Variants in LSAMP observed in about 807,000 individuals in gnomAD.
LSAMP encodes the protein limbic system associated membrane protein.
A neutral mutation model predicts 38.6 loss-of-function variants in LSAMP; 7 were observed. That is an observed-to-expected ratio of 0.18 (90% CI 0.10 to 0.34). The LOEUF (loss-of-function observed/expected upper bound fraction) is 0.34. Ranked by LOEUF, LSAMP falls within the 10% of genes least tolerant of loss-of-function variation. LSAMP has a pLI of 1.00. For missense variants in LSAMP, 313 were observed against 420.0 expected (o/e 0.75, Z 2.23); for synonymous variants, 154 against 166.8 (o/e 0.92, Z 0.59).
intron 3 of LSAMP, among the ~76,000 whole-genome samples, chr3:115,893,673 A>G (rs1559870209): frequency 6.6e-6 from 1 of 152,036 alleles, no homozygotes; most frequent in Non-Finnish European, 1.5e-5. Flanking sequence ...GCAATCAAAA[A>G]TGTTCAAACG....
At chr3:115,851,879 G>A (rs1034989109) in intron 4 of LSAMP, among the ~76,000 whole-genome samples, 7 of 151,886 alleles carry the variant, frequency 4.6e-5, no homozygotes, top group African/African-American at 9.7e-5. Flanking sequence ...CCTTTCATCC[G>A]AGAAGTTCAA....
chr3:116,219,023 G>A (rs1016909699), intron 1 of LSAMP, among the ~76,000 whole-genome samples: 9 of 152,150 alleles, frequency 5.9e-5, no homozygotes, highest in Non-Finnish European at 4.4e-5. Context: ...CTTACTATAA[G>A]TACCATATCA....
chr3:116,027,025 T>A (rs1247434557), intron 2 of LSAMP, among the ~76,000 whole-genome samples: 1 of 152,242 alleles, frequency 6.6e-6, no homozygotes, highest in Non-Finnish European at 1.5e-5. Context: ...TATAAATTTT[T>A]GACAAACAAC....
At chr3:115,889,830 G>A (rs1559868615) in intron 3 of LSAMP, among the ~76,000 whole-genome samples, 1 of 151,938 alleles carries the variant, frequency 6.6e-6, no homozygotes, top group African/African-American at 2.4e-5. Context: ...AATCCTGTCT[G>A]TGCTTCCATC....
rs1007029521 is a variant in LSAMP at position 116,333,746 on chromosome 3, C to T, written c.155+111131G>A. On this transcript the variant is annotated intron_variant, in intron 1 of 6. Transcript: ENST00000490035. ...AAAATATAAATACAATACATCAAAA[C>T]ATATGGGACATATTGAAAGTGCTGA... 9.9e-5 allele frequency among the ~76,000 whole-genome samples: 15 copies of T among 151,520 alleles called. No homozygotes were observed. The East Asian group carries it at 2.9e-3, about 30-fold the overall frequency.
chr3:115,884,517 G>T (rs1362045909), intron 3 of LSAMP, among the ~76,000 whole-genome samples: 1 of 151,754 alleles, frequency 6.6e-6, no homozygotes, highest in East Asian at 1.9e-4. Flanking sequence ...AATTAGTAAA[G>T]GTTGATCATG....
intron 1 of LSAMP, among the ~76,000 whole-genome samples, chr3:116,112,799 C>T (rs932853177): frequency 1.3e-5 from 2 of 152,160 alleles, no homozygotes; most frequent in Non-Finnish European, 2.9e-5. Flanking sequence ...CTCACAAATG[C>T]GTTGGCTACC....
At chr3:115,861,883 A>C (rs10934309) in intron 3 of LSAMP, among the ~76,000 whole-genome samples, 1 of 152,008 alleles carries the variant, frequency 6.6e-6, no homozygotes, top group South Asian at 2.1e-4. Context: ...TGGAGCAGGG[A>C]CTGCAGAACA....
intron 6 of LSAMP, chr3:115,834,571 G>C (rs1934723103): frequency 1.6e-6 from 2 of 1,277,310 alleles, no homozygotes; most frequent in African/African-American, 1.5e-5. Context: ...CCTTGAATGG[G>C]GTGGGGGATT....
intron 2 of LSAMP, among the ~76,000 whole-genome samples, chr3:116,078,605 C>T (rs112816857): frequency 0.042 from 6,326 of 152,234 alleles, 463 homozygotes; most frequent in African/African-American, 0.14. Flanking sequence ...GGATTACAGG[C>T]GTGAGCCACT....
At chr3:115,814,495 C>T (rs1298112119) in intron 6 of LSAMP, among the ~76,000 whole-genome samples, 1 of 152,118 alleles carries the variant, frequency 6.6e-6, no homozygotes, top group Non-Finnish European at 1.5e-5. Flanking sequence ...AGTAAAGGAC[C>T]AGGTGATTTT....
intron 1 of LSAMP, among the ~76,000 whole-genome samples, chr3:116,282,352 GA>G (rs959219229): frequency 5.8e-4 from 87 of 149,230 alleles, no homozygotes; most frequent in Middle Eastern, 3.4e-3. Context: ...TTTAGGATTT[GA>G]AAAAAAAAAT....
At chr3:116,400,170 G>T (rs1380759424) in intron 1 of LSAMP, among the ~76,000 whole-genome samples, 1 of 151,838 alleles carries the variant, frequency 6.6e-6, no homozygotes, top group Non-Finnish European at 1.5e-5. Context: ...TTTTGTTCTT[G>T]CTTTGTACTA....
At chr3:115,853,530 G>A (rs34309661) in intron 3 of LSAMP, among the ~76,000 whole-genome samples, 23,588 of 152,208 alleles carry the variant, frequency 0.15, 2,286 homozygotes, top group Middle Eastern at 0.23. Flanking sequence ...ATTCCCCTAT[G>A]TGGAGAATAA....
intron 3 of LSAMP, among the ~76,000 whole-genome samples, chr3:115,861,167 TTCCTTCC>T (rs1559855520): frequency 4.3e-5 from 5 of 117,222 alleles, no homozygotes; most frequent in African/African-American, 6.3e-5. Flanking sequence ...CCTTCCTTCC[TTCCTTCC>T]TTCCTTCCTT....
chr3:116,230,103 C>G (rs1576447804), intron 1 of LSAMP, among the ~76,000 whole-genome samples: 1 of 152,106 alleles, frequency 6.6e-6, no homozygotes. Context: ...TGAGCTGTCT[C>G]TAAAGTGGCA....
intron 1 of LSAMP, among the ~76,000 whole-genome samples, chr3:116,290,681 G>T (rs2107692911): frequency 6.6e-6 from 1 of 151,180 alleles, no homozygotes; most frequent in Middle Eastern, 3.5e-3. Context: ...AGTGAGCCAA[G>T]ATTGCACCAT....
intron 1 of LSAMP, among the ~76,000 whole-genome samples, chr3:116,397,822 G>A (rs2048788616): frequency 6.6e-6 from 1 of 152,116 alleles, no homozygotes; most frequent in Non-Finnish European, 1.5e-5. Context: ...GTGGCCAGAA[G>A]TGGTAGGCTG....
At chr3:116,270,195 GGTCAATTA>G (rs1647492582) in intron 1 of LSAMP, among the ~76,000 whole-genome samples, 1 of 151,904 alleles carries the variant, frequency 6.6e-6, no homozygotes, top group African/African-American at 2.4e-5. Context: ...GTATGTCATT[GGTCAATTA>G]GTCACCGCAG....
Sources: allele counts gnomAD v4.1 joint callset (sites outside exome capture counted in the v4.1 genomes callset), GRCh38; gene constraint gnomAD v4.1.1; transcripts MANE v1.5; gene names NCBI Gene and HGNC (gene_info 2026-07-23, HGNC 2026-07-21).